The following KANSL1L variants were observed in gnomAD, a reference collection of about 807,000 sequenced individuals.
KANSL1L encodes KAT8 regulatory NSL complex subunit 1-like protein.
Under a neutral mutation model 108.6 loss-of-function variants are expected in KANSL1L, and 25 were observed. That is an observed-to-expected ratio of 0.23 (90% confidence interval 0.17 to 0.32). The LOEUF is 0.32. Among genes scored for constraint, KANSL1L ranks in the 10% least tolerant of loss-of-function variants. The pLI, the probability that KANSL1L is intolerant of heterozygous loss-of-function variation, is 1.00. For synonymous variants in KANSL1L, 405 were observed against 395.1 expected, an observed-to-expected ratio of 1.03 and a Z score of -0.30; for missense variants, 1,137 against 1,125.7, an observed-to-expected ratio of 1.01 and a Z score of -0.14.
chr2:210,144,896 T>A (rs745425187), intron 2 of KANSL1L, among the ~76,000 whole-genome samples: 1 of 152,228 alleles, frequency 6.6e-6, no homozygotes, highest in Non-Finnish European at 1.5e-5. Context: ...ACGTTGCTTG[T>A]TACTTTGCAT....
At chr2:210,025,545 ACT>A (rs1317682985) in intron 12 of KANSL1L, among the ~76,000 whole-genome samples, 1 of 152,172 alleles carries the variant, frequency 6.6e-6, no homozygotes, top group Admixed American at 6.5e-5. Context: ...ACAGGGCGAG[ACT>A]CTGTCTCAAA....
chr2:210,139,470 A>G (rs1407810422), intron 2 of KANSL1L, among the ~76,000 whole-genome samples: 1 of 152,196 alleles, frequency 6.6e-6, no homozygotes, highest in East Asian at 1.9e-4. Flanking sequence ...TTAAATTTCC[A>G]GAGAAACCTC....
At chr2:210,169,415 C>T (rs1421736970) in intron 1 of KANSL1L, among the ~76,000 whole-genome samples, 1 of 151,908 alleles carries the variant, frequency 6.6e-6, no homozygotes, top group Admixed American at 6.6e-5. Flanking sequence ...ATGAAAATAC[C>T]ATGTGGTCTC....
rs200159428 is a variant in KANSL1L, at chr2:210,031,506, A to G, written c.2070T>C (p.Pro690=). 3 of 1,556,398 alleles carry G rather than the reference A, an allele frequency of 1.9e-6. No individual in the cohort carries two copies. In the East Asian group the frequency reaches 6.8e-5, roughly 35 times the overall value. Residue 690 remains proline, a synonymous_variant, in exon 9 of 15, where the codon CCT becomes CCC. Transcript: ENST00000281772. ...TLNQWRNGYS[P]ICKPQIRSES... ...CTGACCTTATTTGAGGCTTACATATAGGTGAATATCCATTTCTCCATTGAT... is the reference window on the plus strand; with the variant it reads ...CTGACCTTATTTGAGGCTTACATATGGGTGAATATCCATTTCTCCATTGAT...
At chr2:210,138,030 C>CA (rs563754246) in intron 2 of KANSL1L, among the ~76,000 whole-genome samples, 41 of 146,260 alleles carry the variant, frequency 2.8e-4, no homozygotes, top group Non-Finnish European at 3.3e-4. Flanking sequence ...GACTCTGACT[C>CA]AAAAAAAAAA....
At chr2:210,120,786 A>C (rs185774769) in intron 3 of KANSL1L, among the ~76,000 whole-genome samples, 31 of 152,348 alleles carry the variant, frequency 2.0e-4, no homozygotes, top group Admixed American at 1.8e-3. Flanking sequence ...AAAGGAACTT[A>C]AACAAATTTA....
intron 3 of KANSL1L, among the ~76,000 whole-genome samples, chr2:210,118,190 C>T (rs1271712952): frequency 2.8e-5 from 4 of 144,024 alleles, no homozygotes; most frequent in South Asian, 2.2e-4. Context: ...AGGAGGGGGG[C>T]GGGTGCGGTG....
intron 1 of KANSL1L, among the ~76,000 whole-genome samples, chr2:210,162,212 A>G (rs1165693260): frequency 1.6e-5 from 2 of 128,964 alleles, no homozygotes; most frequent in Non-Finnish European, 3.3e-5. Context: ...CCCCAAATTT[A>G]GTGGTTCAGG....
chr2:210,029,973 G>T, intron 9 of KANSL1L, 55 bp from the exon 10 acceptor site: 1 of 798,550 alleles, frequency 1.3e-6, no homozygotes, highest in Non-Finnish European at 2.0e-6. Flanking sequence ...AATATCATTA[G>T]AATTACTTTC....
chr2:210,115,710 C>G (rs2094947397), intron 3 of KANSL1L, among the ~76,000 whole-genome samples: 1 of 152,206 alleles, frequency 6.6e-6, no homozygotes. Flanking sequence ...ACATGCAATC[C>G]ATGAGTTAGC....
intron 2 of KANSL1L, among the ~76,000 whole-genome samples, chr2:210,139,529 C>T (rs1209612940): frequency 6.6e-6 from 1 of 152,116 alleles, no homozygotes; most frequent in Non-Finnish European, 1.5e-5. Flanking sequence ...CCACAGTGTA[C>T]AAGAGTTTCC....
chr2:210,031,496 G>A lies in KANSL1L; in HGVS notation c.2080C>T (p.Pro694Ser), dbSNP rs1390367911. The part of the protein sequence containing the change: ...WRNGYSPICK[P>S]QIRSESSAQL... ...GCAGAAGATTCTGACCTTATTTGAG[G>A]CTTACATATAGGTGAATATCCATTT... is the stretch of plus-strand genomic sequence containing the variant. Residue 694 changes from proline to serine, a missense_variant, in exon 9 of 15, where the codon CCT becomes TCT. This residue lies in a region of KANSL1L where 575 missense variants were observed against 567.1 expected (regional missense o/e 1.01). Coordinates refer to ENST00000281772, the MANE Select transcript of KANSL1L (RefSeq NM_152519.4). The A allele has an allele frequency of 9.6e-6, 15 of 1,564,860 alleles. No individual in the cohort carries two copies. Among genetic ancestry groups the A allele is most frequent in the Non-Finnish European group, 1.2e-5 (14 of 1,137,892 alleles).
At chr2:210,062,860 A>G (rs1159130528) in intron 6 of KANSL1L, among the ~76,000 whole-genome samples, 1 of 152,220 alleles carries the variant, frequency 6.6e-6, no homozygotes, top group Non-Finnish European at 1.5e-5. Context: ...TGACGATACA[A>G]TAGAAAAATC....
chr2:210,051,157 C>T (rs572893717), intron 6 of KANSL1L, among the ~76,000 whole-genome samples: 22 of 152,106 alleles, frequency 1.4e-4, no homozygotes, highest in Non-Finnish European at 2.2e-4. Flanking sequence ...CATTCTGGGC[C>T]CATTTGTTTA....
At chr2:210,122,537 T>TA (rs1391455037) in intron 3 of KANSL1L, among the ~76,000 whole-genome samples, 1 of 152,056 alleles carries the variant, frequency 6.6e-6, no homozygotes, top group Admixed American at 6.6e-5. Context: ...CAAAATATAT[T>TA]AAAGACTTAA....
At position 210,156,999 on chromosome 2, in the gene KANSL1L, GA is replaced by G. The variant is rs574492895; in HGVS notation, c.-29-2389del. Among the ~76,000 whole-genome samples the G allele has an allele frequency of 4.9e-3, 640 of 131,318 alleles. 2 individuals are homozygous for G. The highest frequency in any genetic ancestry group is 6.3e-3 in the Non-Finnish European group (377 of 59,416). 86.1% of individuals were successfully genotyped at this position (131,318 alleles called of 152,430 possible). On this transcript the variant is annotated intron_variant, in intron 1 of 14. Coordinates refer to ENST00000281772, the MANE Select transcript of KANSL1L (RefSeq NM_152519.4). ...TTTATCCTAAATGCAAAAAAAAAAAGAAAAAAAAGATGGTTTTTTTCAGTTT... is the reference window on the plus strand; with the variant it reads ...TTTATCCTAAATGCAAAAAAAAAAAGAAAAAAAGATGGTTTTTTTCAGTTT...
intron 1 of KANSL1L, among the ~76,000 whole-genome samples, chr2:210,165,199 A>C (rs776082106): frequency 6.6e-6 from 1 of 151,874 alleles, no homozygotes; most frequent in African/African-American, 2.4e-5. Flanking sequence ...AAAAAACAAA[A>C]AACAAAAAAA....
intron 2 of KANSL1L, among the ~76,000 whole-genome samples, chr2:210,143,050 C>T (rs1300158879): frequency 1.3e-5 from 2 of 151,988 alleles, no homozygotes; most frequent in Non-Finnish European, 2.9e-5. Context: ...TTAAAGTCCC[C>T]TACTATTATT....
intron 1 of KANSL1L, among the ~76,000 whole-genome samples, chr2:210,155,670 A>T (rs1161891412): frequency 6.6e-6 from 1 of 152,208 alleles, no homozygotes; most frequent in Non-Finnish European, 1.5e-5. Context: ...CAAAAGTATA[A>T]ATCCATATAT....
Sources: gnomAD v4.1 joint callset for allele counts (sites outside exome capture counted in the v4.1 genomes callset) on GRCh38, gnomAD v4.1.1 for gene constraint, gnomAD v4.1.1 regional missense constraint, MANE v1.5 for transcripts, NCBI Gene and HGNC (gene_info 2026-07-23, HGNC 2026-07-21) for gene names.